The following MAST2 variants were observed in gnomAD, a reference collection of about 807,000 sequenced individuals.
The protein encoded by MAST2 is microtubule associated serine/threonine kinase 2.
A neutral mutation model predicts 147.4 loss-of-function variants in MAST2; 70 were observed. The observed-to-expected ratio is 0.47, with a 90% CI of 0.39 to 0.58. MAST2 has a LOEUF of 0.58. Ranked by LOEUF, MAST2 falls within the 20% of genes least tolerant of loss-of-function variation. MAST2 has a pLI of 0.00. For missense variants in MAST2, 2,080 were observed against 2,302.3 expected, an observed-to-expected ratio of 0.90 and a Z score of 1.98; for synonymous variants, 869 against 896.8, an observed-to-expected ratio of 0.97 and a Z score of 0.55.
At chr1:45,998,518 T>G (rs1645146347) in intron 6 of MAST2, among the ~76,000 whole-genome samples, 1 of 152,258 alleles carries the variant, frequency 6.6e-6, no homozygotes, top group Admixed American at 6.5e-5. Flanking sequence ...CTAGGCTCTA[T>G]ACACACATGA....
At chr1:45,807,203 A>G (rs1644167282) in intron 1 of MAST2, among the ~76,000 whole-genome samples, 1 of 151,970 alleles carries the variant, frequency 6.6e-6, no homozygotes, top group Non-Finnish European at 1.5e-5. Flanking sequence ...CTTTTTTAAT[A>G]TTATAATATC....
At chr1:45,985,019 GA>G (rs1314922510) in intron 5 of MAST2, among the ~76,000 whole-genome samples, 2 of 152,206 alleles carry the variant, frequency 1.3e-5, no homozygotes, top group Non-Finnish European at 2.9e-5. Flanking sequence ...ATGTTACTGT[GA>G]TAAAATTGAT....
chr1:45,982,444 T>G (rs1448686240), intron 5 of MAST2, among the ~76,000 whole-genome samples: 2 of 152,030 alleles, frequency 1.3e-5, no homozygotes, highest in Non-Finnish European at 2.9e-5. Context: ...GGAGATTGAG[T>G]TCAGTCATTT....
chr1:45,866,040 T>C (rs140768613), intron 3 of MAST2, among the ~76,000 whole-genome samples: 1,807 of 152,346 alleles, frequency 0.012, 11 homozygotes, highest in Non-Finnish European at 0.021. Context: ...ACAAAATACC[T>C]AAGGATTTTA....
At chr1:45,831,134 GC>G (rs1468683820) in intron 3 of MAST2, among the ~76,000 whole-genome samples, 1 of 151,386 alleles carries the variant, frequency 6.6e-6, no homozygotes, top group Non-Finnish European at 1.5e-5. Flanking sequence ...CTTTGTTTCT[GC>G]CTGTTGTTAC....
intron 4 of MAST2, among the ~76,000 whole-genome samples, chr1:45,891,392 G>T (rs1198772790): frequency 6.6e-6 from 1 of 152,100 alleles, no homozygotes; most frequent in Non-Finnish European, 1.5e-5. Context: ...AGCTACTTAG[G>T]GGGCTGAAGT....
chr1:45,971,595 C>T (rs1570998746), intron 5 of MAST2, among the ~76,000 whole-genome samples: 1 of 152,268 alleles, frequency 6.6e-6, no homozygotes, highest in East Asian at 1.9e-4. Flanking sequence ...CTCCAATACC[C>T]TCTACTGAGA....
chr1:45,903,115 T>C (rs1245378873), intron 4 of MAST2, among the ~76,000 whole-genome samples: 1 of 140,920 alleles, frequency 7.1e-6, no homozygotes, highest in Non-Finnish European at 1.5e-5. Context: ...TTTAGCACTA[T>C]AAATTTTTGT....
chr1:45,922,253 C>T (rs988805935), intron 4 of MAST2, among the ~76,000 whole-genome samples: 4 of 152,198 alleles, frequency 2.6e-5, no homozygotes, highest in South Asian at 2.1e-4. Context: ...GTTGCCCTTG[C>T]GGTTTCTGGG....
chr1:45,825,314 C>T (rs567919810), intron 2 of MAST2, among the ~76,000 whole-genome samples: 8 of 151,890 alleles, frequency 5.3e-5, no homozygotes, highest in East Asian at 2.0e-4. Context: ...CGTGAGCCAC[C>T]GCGCCCAGCC....
In MAST2 at chr1:46,025,816, G is replaced by T. The variant is rs1646383935; in HGVS notation, c.1919+1G>T. On this transcript the variant is annotated splice_donor_variant, in intron 16 of 28. Transcript: ENST00000361297. LOFTEE classifies it high-confidence loss of function. ...TGCACCGTGACCTCAAGCCTGACAAGTATGTCCACAGTCTGTGTCCCTTGT... is the reference window on the plus strand; with the variant it reads ...TGCACCGTGACCTCAAGCCTGACAATTATGTCCACAGTCTGTGTCCCTTGT... 6.2e-7 allele frequency: 1 copy of T among 1,614,074 alleles called. No individual in the cohort carries two copies. Among genetic ancestry groups the T allele is most frequent in the Non-Finnish European group, 8.5e-7 (1 of 1,180,034 alleles).
chr1:45,950,875 A>G (rs1658827483), intron 4 of MAST2, among the ~76,000 whole-genome samples: 1 of 152,134 alleles, frequency 6.6e-6, no homozygotes, highest in Non-Finnish European at 1.5e-5. Flanking sequence ...TGAGCCCAGG[A>G]GTTCGAAACC....
intron 2 of MAST2, among the ~76,000 whole-genome samples, chr1:45,826,674 C>G (rs1205866730): frequency 6.6e-6 from 1 of 152,030 alleles, no homozygotes; most frequent in Non-Finnish European, 1.5e-5. Context: ...ATTGCAATCC[C>G]CTCCATGCTT....
rs1645112911 is a variant in MAST2, at chr1:45,997,708, C to A, written c.593-16C>A. On this transcript the variant is annotated splice_polypyrimidine_tract_variant and intron_variant, in intron 5 of 28. Transcript: ENST00000361297. ...AAGCAAACCTCACAGAGTTTTGTTT[C>A]TTTTCCCATCCACAGGTAACAGTCC... 1 of 1,610,058 alleles carries A rather than the reference C, an allele frequency of 6.2e-7. No homozygotes were observed. The highest frequency in any genetic ancestry group is 8.5e-7 in the Non-Finnish European group (1 of 1,176,274).
At chr1:45,965,673 C>T (rs1457563806) in intron 5 of MAST2, among the ~76,000 whole-genome samples, 1 of 151,980 alleles carries the variant, frequency 6.6e-6, no homozygotes, top group African/African-American at 2.4e-5. Flanking sequence ...AATGTCAGTT[C>T]AGTAGGTACA....
chr1:45,830,845 G>C (rs1230986553), intron 3 of MAST2, among the ~76,000 whole-genome samples: 2 of 151,620 alleles, frequency 1.3e-5, no homozygotes, highest in Non-Finnish European at 2.9e-5. Context: ...CAACATAGTT[G>C]AGACCTTGTC....
intron 3 of MAST2, among the ~76,000 whole-genome samples, chr1:45,840,914 TTCTG>T (rs1645253485): frequency 1.3e-5 from 2 of 152,326 alleles, no homozygotes; most frequent in East Asian, 3.9e-4. Flanking sequence ...GGATGGAACA[TTCTG>T]AACTGCATTT....
chr1:45,918,624 G>A (rs1652944131), intron 4 of MAST2, among the ~76,000 whole-genome samples: 1 of 152,084 alleles, frequency 6.6e-6, no homozygotes, highest in African/African-American at 2.4e-5. Flanking sequence ...TTTTGGTAGA[G>A]ACAGGGTTTC....
At chr1:45,956,157 T>G (rs1397083428) in intron 4 of MAST2, among the ~76,000 whole-genome samples, 3 of 152,196 alleles carry the variant, frequency 2.0e-5, no homozygotes, top group Non-Finnish European at 4.4e-5. Flanking sequence ...ATTTCTTAAT[T>G]GTGGTGGGTC....
Sources: allele counts gnomAD v4.1 joint callset (sites outside exome capture counted in the v4.1 genomes callset), GRCh38; gene constraint gnomAD v4.1.1; transcripts MANE v1.5; gene names NCBI Gene and HGNC (gene_info 2026-07-23, HGNC 2026-07-21).